The following PALM2AKAP2 variants were observed in gnomAD, a reference collection of about 807,000 sequenced individuals.
The protein encoded by PALM2AKAP2 is PALM2-AKAP2 fusion protein.
In PALM2AKAP2, 37 loss-of-function variants were observed where a neutral mutation model predicts 71.5. The observed-to-expected ratio is 0.52, with a 90% CI of 0.40 to 0.68. The LOEUF (loss-of-function observed/expected upper bound fraction) is 0.68, where lower values mean the gene tolerates loss of function less well. PALM2AKAP2 is among the 30% of genes least tolerant of loss of function. PALM2AKAP2 has a pLI of 0.00. For synonymous variants in PALM2AKAP2, 468 were observed against 478.8 expected (o/e 0.98, Z 0.29); for missense variants, 1,224 against 1,191.8 (o/e 1.03, Z -0.40).
intron 6 of PALM2AKAP2, among the ~76,000 whole-genome samples, chr9:109,951,543 C>A (rs893427106): frequency 6.6e-6 from 1 of 152,180 alleles, no homozygotes; most frequent in Non-Finnish European, 1.5e-5. Context: ...CAGGCCAGAC[C>A]GTGTTGGGAG....
intron 1 of PALM2AKAP2, among the ~76,000 whole-genome samples, chr9:109,737,221 G>A (rs984556167): frequency 2.0e-5 from 3 of 152,346 alleles, no homozygotes; most frequent in African/African-American, 7.2e-5. Context: ...CAGAGATGTG[G>A]TAGGAAAAAT....
chr9:109,735,196 A>T (rs1828612018), intron 1 of PALM2AKAP2, among the ~76,000 whole-genome samples: 1 of 148,382 alleles, frequency 6.7e-6, no homozygotes, highest in Admixed American at 6.8e-5. Context: ...ACTGCCTTGC[A>T]TACTAGATTC....
Position 110,025,325 on chromosome 9 carries a change from G to A in PALM2AKAP2, c.582+9286G>A, listed in dbSNP as rs1833157252. 5.0e-6 allele frequency: 6 copies of A among 1,195,414 alleles called. No individual in the cohort carries two copies. The Admixed American group carries it at 5.0e-5, about 10-fold the overall frequency. 74.1% of individuals were successfully genotyped at this position (1,195,414 alleles called of 1,614,324 possible). ...CTAAAAGGCCTAGAGAACATATGTC[G>A]GGAGCCTCTCCTCTTTCCCTTTGTG... is the stretch of plus-strand genomic sequence containing the variant. On this transcript the variant is annotated intron_variant, in intron 7 of 9. Transcript: ENST00000302798.
intron 6 of PALM2AKAP2, among the ~76,000 whole-genome samples, chr9:109,974,144 G>A (rs138694089): frequency 3.3e-4 from 50 of 152,312 alleles, no homozygotes; most frequent in Middle Eastern, 3.4e-3. Flanking sequence ...ATAAGAAATG[G>A]ACATGTCTCT....
At chr9:110,004,219 G>C (rs1221959831) in intron 6 of PALM2AKAP2, among the ~76,000 whole-genome samples, 1 of 152,148 alleles carries the variant, frequency 6.6e-6, no homozygotes, top group Non-Finnish European at 1.5e-5. Flanking sequence ...TTTTAGGGCA[G>C]GCCTGGTGGT....
rs557402966 is a variant in PALM2AKAP2, at chr9:110,108,539, T to C, written c.157-27588T>C. Among the ~76,000 whole-genome samples, 4 of 152,370 alleles carry C rather than the reference T, an allele frequency of 2.6e-5. No individual in the cohort carries two copies. The South Asian group carries it at 8.3e-4, about 32-fold the overall frequency. On this transcript the variant is annotated intron_variant, in intron 1 of 3. Transcript: ENST00000374525. ...CTAATATAATCAATAACTATTGTACTGCCTACCACTCTTTTTTCTCCTGTT... is the reference window on the plus strand; with the variant it reads ...CTAATATAATCAATAACTATTGTACCGCCTACCACTCTTTTTTCTCCTGTT...
At chr9:109,733,984 A>C (rs1828593175) in intron 1 of PALM2AKAP2, among the ~76,000 whole-genome samples, 1 of 152,212 alleles carries the variant, frequency 6.6e-6, no homozygotes, top group Non-Finnish European at 1.5e-5. Context: ...GCACCACTGC[A>C]AAGGAGAGGT....
chr9:109,670,909 T>C (rs978617061), intron 1 of PALM2AKAP2, among the ~76,000 whole-genome samples: 1 of 152,194 alleles, frequency 6.6e-6, no homozygotes, highest in Non-Finnish European at 1.5e-5. Context: ...TGGCCACATG[T>C]ATGTCTTCTT....
chr9:109,647,749 A>T (rs12683006), intron 1 of PALM2AKAP2, among the ~76,000 whole-genome samples: 14,763 of 152,260 alleles, frequency 0.097, 856 homozygotes, highest in South Asian at 0.2. Flanking sequence ...CAAGGTGCAA[A>T]TGTTCAGAAG....
intron 3 of PALM2AKAP2, among the ~76,000 whole-genome samples, chr9:109,885,264 G>T (rs749942622): frequency 2.6e-5 from 4 of 152,170 alleles, no homozygotes; most frequent in Admixed American, 6.5e-5. Context: ...ATTATATGTG[G>T]TGCTTAGCTT....
At chr9:109,783,072 G>T (rs1389325208) in intron 1 of PALM2AKAP2, among the ~76,000 whole-genome samples, 1 of 152,060 alleles carries the variant, frequency 6.6e-6, no homozygotes, top group South Asian at 2.1e-4. Context: ...GCAGAGAATC[G>T]ACTGGGATTC....
chr9:110,133,472 C>T (rs914627358), intron 1 of PALM2AKAP2, among the ~76,000 whole-genome samples: 7 of 151,880 alleles, frequency 4.6e-5, no homozygotes, highest in Non-Finnish European at 1.0e-4. Context: ...AGAATAACCT[C>T]CCCTCATGTT....
intron 1 of PALM2AKAP2, among the ~76,000 whole-genome samples, chr9:109,668,491 TTA>T (rs1333710365): frequency 1.3e-5 from 2 of 152,238 alleles, no homozygotes; most frequent in Non-Finnish European, 2.9e-5. Flanking sequence ...ACTCAGACTT[TTA>T]GTCAGAGCAC....
At chr9:110,161,996 C>A (rs1342014681) in intron 3 of PALM2AKAP2, 98 bp from the exon 10 acceptor site, 2 of 1,496,882 alleles carry the variant, frequency 1.3e-6, no homozygotes, top group African/African-American at 2.8e-5. Context: ...TACTTCCCCT[C>A]CCATCCTCTT....
rs1365459080 is a variant in PALM2AKAP2 at position 109,679,757 on chromosome 9, C to T, written c.5+38891C>T. Among the ~76,000 whole-genome samples, 4 of 152,250 alleles carry T rather than the reference C, an allele frequency of 2.6e-5. No homozygotes were observed. The East Asian group carries it at 7.7e-4, about 29-fold the overall frequency. On this transcript the variant is annotated intron_variant, in intron 1 of 6. Transcript: ENST00000374531. ...AAACAAAAACAAAAAAACCAAAACTCTCCTCTTCTCCCCTAGGGTAAAGAA... is the reference window on the plus strand; with the variant it reads ...AAACAAAAACAAAAAAACCAAAACTTTCCTCTTCTCCCCTAGGGTAAAGAA...
intron 3 of PALM2AKAP2, among the ~76,000 whole-genome samples, chr9:110,165,549 T>A (rs962928891): frequency 2.0e-5 from 3 of 152,168 alleles, no homozygotes; most frequent in Non-Finnish European, 4.4e-5. Flanking sequence ...AGAAATTTAT[T>A]GTATGGCCAT....
At chr9:109,895,049 C>T (rs570405823) in intron 3 of PALM2AKAP2, among the ~76,000 whole-genome samples, 10 of 152,272 alleles carry the variant, frequency 6.6e-5, no homozygotes, top group Admixed American at 3.3e-4. Flanking sequence ...AACCTGAGGC[C>T]GGGACACACC....
intron 1 of PALM2AKAP2, among the ~76,000 whole-genome samples, chr9:109,837,236 AG>A (rs533980655): frequency 3.9e-5 from 6 of 152,234 alleles, no homozygotes; most frequent in Non-Finnish European, 8.8e-5. Context: ...ACATTCTTAA[AG>A]AAAAGAATTT....
chr9:110,168,516 A>T, exon 4 of PALM2AKAP2: 1 of 1,613,566 alleles, frequency 6.2e-7, no homozygotes, highest in Non-Finnish European at 8.5e-7. Context: ...CAACCCAGGA[A>T]GCGTCTTTGG....
Sources: gnomAD v4.1 joint callset for allele counts (sites outside exome capture counted in the v4.1 genomes callset) on GRCh38, gnomAD v4.1.1 for gene constraint, MANE v1.5 for transcripts, NCBI Gene and HGNC (gene_info 2026-07-23, HGNC 2026-07-21) for gene names.